Variants in C1orf21 observed in about 807,000 individuals in gnomAD.
C1orf21 encodes the protein uncharacterized protein C1orf21.
Under a neutral mutation model 18.7 loss-of-function variants are expected in C1orf21, and 3 were observed. The ratio of observed to expected loss-of-function variants is 0.16; its 90% confidence interval spans 0.07 to 0.42. C1orf21 has a LOEUF of 0.42. C1orf21 is among the 10% of genes least tolerant of loss of function. The pLI is 0.99. For missense variants in C1orf21, 104 were observed against 143.6 expected, an observed-to-expected ratio of 0.72 and a Z score of 1.41; for synonymous variants, 41 against 46.4, an observed-to-expected ratio of 0.88 and a Z score of 0.47.
At chr1:184,474,319 C>G (rs1266344620) in intron 1 of C1orf21, among the ~76,000 whole-genome samples, 2 of 152,088 alleles carry the variant, frequency 1.3e-5, no homozygotes, top group Non-Finnish European at 2.9e-5. Flanking sequence ...CTTGAGTCAT[C>G]ATTTGAATTG....
At chr1:184,499,446 C>A (rs1657940091) in intron 2 of C1orf21, among the ~76,000 whole-genome samples, 1 of 152,098 alleles carries the variant, frequency 6.6e-6, no homozygotes, top group African/African-American at 2.4e-5. Flanking sequence ...ACTTAAGTAG[C>A]ACAGGGCTGG....
chr1:184,602,298 G>A (rs557187481), intron 5 of C1orf21, among the ~76,000 whole-genome samples: 13 of 152,312 alleles, frequency 8.5e-5, no homozygotes, highest in Non-Finnish European at 1.6e-4. Flanking sequence ...ACTCTGCTGC[G>A]ACCGGAGATG....
At chr1:184,516,541 G>A (rs1460192688) in intron 3 of C1orf21, among the ~76,000 whole-genome samples, 1 of 152,166 alleles carries the variant, frequency 6.6e-6, no homozygotes, top group East Asian at 1.9e-4. Context: ...TTGGACTTAA[G>A]TTCCACGTGG....
intron 1 of C1orf21, among the ~76,000 whole-genome samples, chr1:184,432,269 ATCTAAGTGCCCATCAGT>A (rs2101971294): frequency 6.6e-6 from 1 of 152,364 alleles, no homozygotes; most frequent in East Asian, 1.9e-4. Context: ...CTTGGAACCA[ATCTAAGTGCCCATCAGT>A]GATAGACTGG....
chr1:184,589,671 CAA>C (rs1659410453), intron 3 of C1orf21, among the ~76,000 whole-genome samples: 1 of 152,122 alleles, frequency 6.6e-6, no homozygotes, highest in Non-Finnish European at 1.5e-5. Flanking sequence ...AGAAAACAAA[CAA>C]AATCACATAT....
intron 1 of C1orf21, among the ~76,000 whole-genome samples, chr1:184,429,174 C>T (rs1454685065): frequency 1.3e-5 from 2 of 152,180 alleles, no homozygotes; most frequent in African/African-American, 4.8e-5. Context: ...GGGCATAGTC[C>T]ATTTCTTTTT....
At chr1:184,546,556 A>G (rs1269091620) in intron 3 of C1orf21, among the ~76,000 whole-genome samples, 1 of 152,222 alleles carries the variant, frequency 6.6e-6, no homozygotes, top group African/African-American at 2.4e-5. Flanking sequence ...ATCTAATGGG[A>G]AACTCTGATA....
chr1:184,501,124 G>C (rs1657969513), intron 2 of C1orf21, among the ~76,000 whole-genome samples: 1 of 152,324 alleles, frequency 6.6e-6, no homozygotes, highest in African/African-American at 2.4e-5. Flanking sequence ...ACAGGCCAGA[G>C]GAAAGAGGCT....
intron 3 of C1orf21, among the ~76,000 whole-genome samples, chr1:184,510,900 A>G (rs1658133504): frequency 6.6e-6 from 1 of 152,202 alleles, no homozygotes; most frequent in South Asian, 2.1e-4. Context: ...AATTTTTTCA[A>G]GAGGTAGTAA....
rs1656990139 is a variant in C1orf21 at position 184,443,940 on chromosome 1, C to T, written c.-124-33446C>T. ...TATATGAGGGCAGTGTTTTCCATAG[C>T]GACCAGAAGCAGATCATGGCCTTTG... On this transcript the variant is annotated intron_variant, in intron 1 of 5. Transcript: ENST00000235307. 2.0e-5 allele frequency among the ~76,000 whole-genome samples: 3 copies of T among 152,084 alleles called. 1 individual carries two copies. Among genetic ancestry groups the T allele is most frequent in the South Asian group, 4.2e-4 (2 of 4,812 alleles).
At chr1:184,405,169 GT>G in intron 1 of C1orf21, among the ~76,000 whole-genome samples, 1 of 151,966 alleles carries the variant, frequency 6.6e-6, no homozygotes, top group Non-Finnish European at 1.5e-5. Flanking sequence ...TATTTGGCAT[GT>G]TTTTATTAGA....
chr1:184,394,106 C>T (rs1656012252), intron 1 of C1orf21, among the ~76,000 whole-genome samples: 1 of 152,202 alleles, frequency 6.6e-6, no homozygotes, highest in Non-Finnish European at 1.5e-5. Flanking sequence ...CATTGACTCA[C>T]TACATATGAA....
Position 184,430,893 on chromosome 1 carries a change from C to T in C1orf21, c.-125+43525C>T, listed in dbSNP as rs548386905. ...ACTTTGGGTAGAATGGCCATTTTCA[C>T]GATATTGATTCTTCCTATCCATGAG... On this transcript the variant is annotated intron_variant, in intron 1 of 5. Coordinates refer to ENST00000235307, the MANE Select transcript of C1orf21 (RefSeq NM_030806.4). Among the ~76,000 whole-genome samples, 88 of 152,212 alleles carry T rather than the reference C, an allele frequency of 5.8e-4. 1 individual carries two copies. The highest frequency in any genetic ancestry group is 2.6e-4 in the Non-Finnish European group (18 of 68,012).
chr1:184,550,438 T>C (rs1329105081), intron 3 of C1orf21, among the ~76,000 whole-genome samples: 5 of 152,248 alleles, frequency 3.3e-5, no homozygotes, highest in Non-Finnish European at 7.3e-5. Flanking sequence ...CTGGCAGGGC[T>C]GCAAGACAGG....
rs548965124 is a variant in C1orf21 at position 184,420,649 on chromosome 1, G to A, written c.-125+33281G>A. Among the ~76,000 whole-genome samples, 472 of 152,022 alleles carry A rather than the reference G, an allele frequency of 3.1e-3. 1 individual carries two copies. The highest frequency in any genetic ancestry group is 0.01 in the African/African-American group (433 of 41,472). On this transcript the variant is annotated intron_variant, in intron 1 of 5. Transcript: ENST00000235307. ...GTCTCTCTACTTTACCTCTGCTTTG[G>A]GGAAATCCAAAAAATGTTTTATTTG...
intron 1 of C1orf21, among the ~76,000 whole-genome samples, chr1:184,461,978 A>G (rs1657313331): frequency 6.6e-6 from 1 of 152,250 alleles, no homozygotes; most frequent in Non-Finnish European, 1.5e-5. Flanking sequence ...AATGCCCATT[A>G]GAAACCAGAG....
At chr1:184,420,002 G>A (rs151005654) in intron 1 of C1orf21, among the ~76,000 whole-genome samples, 63 of 152,298 alleles carry the variant, frequency 4.1e-4, no homozygotes, top group African/African-American at 1.5e-3. Flanking sequence ...GTGACTCAGA[G>A]TAAGCAGATG....
intron 1 of C1orf21, among the ~76,000 whole-genome samples, chr1:184,416,192 G>T (rs1003892560): frequency 6.6e-5 from 10 of 152,070 alleles, no homozygotes; most frequent in Admixed American, 5.2e-4. Context: ...GTTTTTTTTG[G>T]ATGAGTGCTT....
chr1:184,521,116 C>G (rs1448058847), intron 3 of C1orf21, among the ~76,000 whole-genome samples: 11 of 152,156 alleles, frequency 7.2e-5, no homozygotes. Context: ...TGGTCTCGAA[C>G]TCCTGACCTC....
Sources: allele counts gnomAD v4.1 joint callset (sites outside exome capture counted in the v4.1 genomes callset), GRCh38; gene constraint gnomAD v4.1.1; transcripts MANE v1.5; gene names NCBI Gene and HGNC (gene_info 2026-07-23, HGNC 2026-07-21).